TENM3: variants seen among roughly 807,000 people sequenced by gnomAD.
TENM3 encodes the protein teneurin transmembrane protein 3.
Under a neutral mutation model 255.1 loss-of-function variants are expected in TENM3, and 63 were observed. That is an observed-to-expected ratio of 0.25 (90% confidence interval 0.20 to 0.30). TENM3 has a LOEUF of 0.30. TENM3 is among the 10% of genes least tolerant of loss of function. TENM3 has a pLI of 1.00. For synonymous variants in TENM3, 1,306 were observed against 1,322.3 expected, an observed-to-expected ratio of 0.99 and a Z score of 0.27; for missense variants, 2,929 against 3,461.1, an observed-to-expected ratio of 0.85 and a Z score of 3.86.
the TENM3 span, among the ~76,000 whole-genome samples, chr4:181,714,238 C>G: frequency 1.3e-5 from 2 of 152,140 alleles, no homozygotes; most frequent in Admixed American, 6.5e-5. Context: ...AAATTCAAGA[C>G]CAATCTGGCC....
chr4:181,629,618 G>C, the TENM3 span, among the ~76,000 whole-genome samples: 1 of 152,152 alleles, frequency 6.6e-6, no homozygotes, highest in African/African-American at 2.4e-5. Flanking sequence ...CTTTGGTTCT[G>C]TTTATATGCT....
chr4:181,961,899 A>G, the TENM3 span, among the ~76,000 whole-genome samples: 1 of 152,112 alleles, frequency 6.6e-6, no homozygotes, highest in African/African-American at 2.4e-5. Context: ...GCAAACTACT[A>G]ATTTGTTTTA....
chr4:182,436,144 C>G (rs1199564424), intron 3 of TENM3, among the ~76,000 whole-genome samples: 1 of 152,078 alleles, frequency 6.6e-6, no homozygotes, highest in Non-Finnish European at 1.5e-5. Flanking sequence ...TTAACAGATG[C>G]CTTTAGGCAT....
chr4:181,796,908 A>C, the TENM3 span, among the ~76,000 whole-genome samples: 3 of 152,084 alleles, frequency 2.0e-5, no homozygotes, highest in Non-Finnish European at 4.4e-5. Context: ...GTCATGTCAG[A>C]GCAAGTCTAG....
At chr4:181,865,691 T>C in the TENM3 span, among the ~76,000 whole-genome samples, 1 of 152,234 alleles carries the variant, frequency 6.6e-6, no homozygotes, top group Non-Finnish European at 1.5e-5. Context: ...TTTTCCACTC[T>C]GTCTATTTTC....
chr4:181,849,264 A>T, the TENM3 span, among the ~76,000 whole-genome samples: 1 of 152,234 alleles, frequency 6.6e-6, no homozygotes, highest in South Asian at 2.1e-4. Context: ...TTCTTGTTTT[A>T]AAAGATGAAG....
At chr4:182,044,033 G>A in the TENM3 span, among the ~76,000 whole-genome samples, 1 of 152,150 alleles carries the variant, frequency 6.6e-6, no homozygotes, top group South Asian at 2.1e-4. Context: ...AAACTTGAAT[G>A]TTATAGTGTT....
intron 3 of TENM3, among the ~76,000 whole-genome samples, chr4:182,590,178 C>T (rs1311793417): frequency 6.6e-6 from 1 of 152,048 alleles, no homozygotes; most frequent in Non-Finnish European, 1.5e-5. Context: ...CAGGAAAAAA[C>T]AAGTTGTTTA....
intron 13 of TENM3, among the ~76,000 whole-genome samples, chr4:182,720,766 C>CTTTTTTTTTTTTTTT (rs11369655): frequency 7.7e-6 from 1 of 129,802 alleles, no homozygotes; most frequent in Non-Finnish European, 1.6e-5. Flanking sequence ...AGTCTCCCCT[C>CTTTTTTTTTTTTTTT]TTTTTTTTTT....
chr4:181,486,031 G>T, the TENM3 span, among the ~76,000 whole-genome samples: 5 of 151,156 alleles, frequency 3.3e-5, no homozygotes, highest in Non-Finnish European at 7.4e-5. Flanking sequence ...AAAAAAACCT[G>T]CAATATGTGT....
chr4:181,969,203 ACT>A, the TENM3 span, among the ~76,000 whole-genome samples: 1 of 152,204 alleles, frequency 6.6e-6, no homozygotes, highest in Non-Finnish European at 1.5e-5. Context: ...ACAAATGTTG[ACT>A]AACACTGGTG....
chr4:182,653,529 C>T (rs1753504130), intron 5 of TENM3, among the ~76,000 whole-genome samples: 1 of 152,108 alleles, frequency 6.6e-6, no homozygotes, highest in Admixed American at 6.5e-5. Flanking sequence ...TTTCCTGGTA[C>T]CAATGAAGTG....
the TENM3 span, among the ~76,000 whole-genome samples, chr4:181,915,966 A>G: frequency 1.3e-5 from 2 of 152,198 alleles, no homozygotes; most frequent in Non-Finnish European, 2.9e-5. Context: ...GGTCAAGTTT[A>G]TTATTCAAGT....
intron 3 of TENM3, among the ~76,000 whole-genome samples, chr4:182,445,469 G>A (rs1031740487): frequency 3.3e-5 from 5 of 152,090 alleles, no homozygotes; most frequent in Non-Finnish European, 7.4e-5. Flanking sequence ...AATAATTAGC[G>A]GGAAAGGTAA....
the TENM3 span, among the ~76,000 whole-genome samples, chr4:181,624,265 C>T: frequency 3.3e-5 from 5 of 152,146 alleles, no homozygotes; most frequent in African/African-American, 1.2e-4. Context: ...AAGTGCTGTC[C>T]CCAGCATCGC....
chr4:181,722,275 C>T, the TENM3 span, among the ~76,000 whole-genome samples: 140 of 152,272 alleles, frequency 9.2e-4, no homozygotes, highest in African/African-American at 3.0e-3. Context: ...TAGACCAGTT[C>T]ATGGCACATA....
At chr4:182,548,710 G>T (rs1327399283) in intron 3 of TENM3, 2 of 152,138 alleles carry the variant, frequency 1.3e-5, no homozygotes, top group Admixed American at 6.6e-5. Context: ...GTTCTTACCG[G>T]TTTAATAATG....
At chr4:182,565,352 A>G (rs1021754948) in intron 3 of TENM3, among the ~76,000 whole-genome samples, 2 of 151,808 alleles carry the variant, frequency 1.3e-5, no homozygotes, top group East Asian at 1.9e-4. Flanking sequence ...ATACAATTAA[A>G]TTATATGTGA....
At chr4:181,736,154 C>A in the TENM3 span, among the ~76,000 whole-genome samples, 1 of 152,046 alleles carries the variant, frequency 6.6e-6, no homozygotes, top group Admixed American at 6.5e-5. Context: ...ATAAATTAGC[C>A]GGGCGTGGTG....
Sources: gnomAD v4.1 joint callset for allele counts (sites outside exome capture counted in the v4.1 genomes callset) on GRCh38, gnomAD v4.1.1 for gene constraint, MANE v1.5 for transcripts, NCBI Gene and HGNC (gene_info 2026-07-23, HGNC 2026-07-21) for gene names.